ARHGAP32: variants seen among roughly 807,000 people sequenced by gnomAD.
ARHGAP32 encodes Rho GTPase activating protein 32.
ARHGAP32 carries 51 observed loss-of-function variants against 186.5 expected under a neutral mutation model. The observed-to-expected ratio is 0.27, with a 90% confidence interval of 0.22 to 0.35. The LOEUF is 0.35. Ranked by LOEUF, ARHGAP32 falls within the 10% of genes least tolerant of loss-of-function variation. The pLI, the probability that ARHGAP32 is intolerant of heterozygous loss-of-function variation, is 1.00. For missense variants in ARHGAP32, 2,186 were observed against 2,623.5 expected (o/e 0.83, Z 3.64); for synonymous variants, 950 against 964.3 (o/e 0.99, Z 0.27).
intron 12 of ARHGAP32, among the ~76,000 whole-genome samples, chr11:128,996,329 T>C (rs765677860): frequency 1.3e-5 from 2 of 152,170 alleles, no homozygotes; most frequent in Non-Finnish European, 1.5e-5. Flanking sequence ...TGAAATGATA[T>C]TCTCATACAC....
upstream of ARHGAP32, chr11:129,279,341 C>T (rs1212127450): frequency 1.4e-5 from 2 of 145,172 alleles, no homozygotes; most frequent in African/African-American, 4.9e-5. Context: ...CGCGCCAGCG[C>T]CTCATCCCGC....
At position 129,278,261 on chromosome 11, in the gene ARHGAP32, G is replaced by C. The variant is rs552984384; in HGVS notation, c.-5+885C>G. Among the ~76,000 whole-genome samples, 8 of 152,344 alleles carry C rather than the reference G, an allele frequency of 5.3e-5. No homozygotes were observed. In the South Asian group the frequency reaches 1.5e-3, roughly 28 times the overall value. On this transcript the variant is annotated intron_variant, in intron 1 of 6. Transcript: ENST00000525234. ...AGCTAGCCATGTAGCATCACGCAGT[G>C]CCCCAAGCATTTTAAAGACAGATTG...
intron 11 of ARHGAP32, among the ~76,000 whole-genome samples, chr11:129,013,606 A>G (rs1938195093): frequency 6.6e-6 from 1 of 152,220 alleles, no homozygotes; most frequent in Non-Finnish European, 1.5e-5. Flanking sequence ...TTATCAAGAT[A>G]GATTAATTTC....
chr11:129,222,263 G>A (rs1454353206), intron 1 of ARHGAP32, among the ~76,000 whole-genome samples: 2 of 152,110 alleles, frequency 1.3e-5, no homozygotes, highest in Non-Finnish European at 2.9e-5. Context: ...ACTTGGTCCA[G>A]TTTTACCAGC....
At chr11:128,978,134 G>A (rs988346348) in intron 19 of ARHGAP32, among the ~76,000 whole-genome samples, 2 of 152,038 alleles carry the variant, frequency 1.3e-5, no homozygotes, top group African/African-American at 4.8e-5. Context: ...TGCAGAGCCT[G>A]CTATCAAAAT....
intron 1 of ARHGAP32, among the ~76,000 whole-genome samples, chr11:129,190,774 G>T (rs182602847): frequency 1.3e-5 from 2 of 152,244 alleles, no homozygotes; most frequent in East Asian, 3.9e-4. Context: ...AAATACTTCA[G>T]TCCTACTCAT....
intron 2 of ARHGAP32, among the ~76,000 whole-genome samples, chr11:129,125,636 T>C (rs1001469844): frequency 6.6e-6 from 1 of 152,018 alleles, no homozygotes; most frequent in African/African-American, 2.4e-5. Flanking sequence ...CCTTAACTTT[T>C]GCAATGTTTT....
intron 6 of ARHGAP32, among the ~76,000 whole-genome samples, chr11:129,086,634 G>T (rs10893974): frequency 2.6e-5 from 4 of 151,752 alleles, no homozygotes; most frequent in Non-Finnish European, 5.9e-5. Flanking sequence ...ATCCCGGCTA[G>T]CACGGTGAAA....
chr11:129,191,566 G>A (rs1297224620), intron 1 of ARHGAP32, among the ~76,000 whole-genome samples: 1 of 151,994 alleles, frequency 6.6e-6, no homozygotes, highest in East Asian at 1.9e-4. Flanking sequence ...TACAAGATCA[G>A]AGACAAGGGT....
At chr11:129,144,601 AG>A (rs753703216) in intron 2 of ARHGAP32, among the ~76,000 whole-genome samples, 11 of 152,310 alleles carry the variant, frequency 7.2e-5, no homozygotes, top group Non-Finnish European at 1.6e-4. Flanking sequence ...GCCAAAAACC[AG>A]AAACAGGAAT....
chr11:128,989,691 CTAA>C (rs1445254932), intron 12 of ARHGAP32, among the ~76,000 whole-genome samples: 5 of 152,010 alleles, frequency 3.3e-5, no homozygotes, highest in Non-Finnish European at 7.4e-5. Context: ...AGTATTTCTC[CTAA>C]TGTTATCCCT....
intron 11 of ARHGAP32, among the ~76,000 whole-genome samples, chr11:129,036,035 T>C (rs896797194): frequency 2.0e-5 from 3 of 152,040 alleles, no homozygotes; most frequent in Admixed American, 6.5e-5. Flanking sequence ...TTCCCAATGC[T>C]AAATGGTTCT....
intron 2 of ARHGAP32, among the ~76,000 whole-genome samples, chr11:129,135,753 C>T (rs753807935): frequency 8.6e-5 from 13 of 150,564 alleles, no homozygotes; most frequent in Non-Finnish European, 1.6e-4. Flanking sequence ...GGCAACAGAG[C>T]GAGACTCCAT....
intron 1 of ARHGAP32, among the ~76,000 whole-genome samples, chr11:129,233,525 C>T (rs1944886167): frequency 6.6e-6 from 1 of 151,970 alleles, no homozygotes; most frequent in African/African-American, 2.4e-5. Context: ...CACCTTTCAA[C>T]CCAGCAACTC....
intron 1 of ARHGAP32, among the ~76,000 whole-genome samples, chr11:129,203,760 G>T (rs1245999989): frequency 6.7e-6 from 1 of 149,272 alleles, no homozygotes; most frequent in Non-Finnish European, 1.5e-5. Context: ...AAATTAGCTG[G>T]GCATGGTGGT....
chr11:129,200,652 C>T (rs1944446045), intron 1 of ARHGAP32, among the ~76,000 whole-genome samples: 1 of 152,052 alleles, frequency 6.6e-6, no homozygotes, highest in South Asian at 2.1e-4. Flanking sequence ...TGAAAATGGA[C>T]TAATACAACA....
chr11:129,071,241 C>A (rs1334090797), intron 6 of ARHGAP32, among the ~76,000 whole-genome samples: 1 of 151,856 alleles, frequency 6.6e-6, no homozygotes, highest in Non-Finnish European at 1.5e-5. Context: ...AACTAAAAAG[C>A]TTCTGCACAG....
intron 1 of ARHGAP32, among the ~76,000 whole-genome samples, chr11:129,220,090 A>G (rs1228294033): frequency 6.6e-6 from 1 of 152,222 alleles, no homozygotes; most frequent in Non-Finnish European, 1.5e-5. Flanking sequence ...AGAAAACTAG[A>G]TCAGACAGAC....
intron 2 of ARHGAP32, among the ~76,000 whole-genome samples, chr11:129,139,062 T>G (rs1942994182): frequency 6.6e-6 from 1 of 152,140 alleles, no homozygotes; most frequent in East Asian, 1.9e-4. Flanking sequence ...TTATCAAAAT[T>G]TTATATTTTA....
Sources: gnomAD v4.1 joint callset for allele counts (sites outside exome capture counted in the v4.1 genomes callset) on GRCh38, gnomAD v4.1.1 for gene constraint, MANE v1.5 for transcripts, NCBI Gene and HGNC (gene_info 2026-07-23, HGNC 2026-07-21) for gene names.